The following PTPRF variants were observed in gnomAD, a reference collection of about 807,000 sequenced individuals.
PTPRF encodes protein tyrosine phosphatase receptor type F.
PTPRF carries 59 observed loss-of-function variants against 201.8 expected under a neutral mutation model. That is an observed-to-expected ratio of 0.29 (90% confidence interval 0.24 to 0.36). The LOEUF (loss-of-function observed/expected upper bound fraction) is 0.36. PTPRF is among the 10% of genes least tolerant of loss of function. The pLI is 1.00. For synonymous variants in PTPRF, 1,088 were observed against 1,089.7 expected (o/e 1.00, Z 0.03); for missense variants, 2,132 against 2,690.5 (o/e 0.79, Z 4.59).
At position 43,591,051 on chromosome 1, in the gene PTPRF, C is replaced by G; in HGVS notation, c.1029C>G (p.Asn343Lys). The change falls in exon 9 of 34, where the codon AAC becomes AAG. Residue 343 changes from asparagine (N) to lysine (K), a missense_variant. Coordinates refer to ENST00000359947, the MANE Select transcript of PTPRF (RefSeq NM_002840.5). ...TCACCCTCACCTGGGACTCTGGGAA[C>G]TCGGAGCCTGTAACCTACTATGGCA... ...TSVTLTWDSG[N>K]SEPVTYYGIQ... 6.2e-7 allele frequency: 1 copy of G among 1,614,066 alleles called. No homozygotes were observed. Among genetic ancestry groups the G allele is most frequent in the South Asian group, 1.1e-5 (1 of 91,090 alleles).
intron 7 of PTPRF, among the ~76,000 whole-genome samples, chr1:43,586,731 C>G (rs562645537): frequency 6.6e-6 from 1 of 152,314 alleles, no homozygotes; most frequent in South Asian, 2.1e-4. Flanking sequence ...TTTCTGAGCT[C>G]TCCTCTCCTC....
At chr1:43,532,303 A>G (rs1437517098) in intron 1 of PTPRF, among the ~76,000 whole-genome samples, 2 of 152,106 alleles carry the variant, frequency 1.3e-5, no homozygotes, top group African/African-American at 4.8e-5. Flanking sequence ...GAGTTGGAGC[A>G]GGTTGGGGGT....
chr1:43,583,219 G>T (rs1183331434), intron 7 of PTPRF: 19 of 677,772 alleles, frequency 2.8e-5, no homozygotes, highest in African/African-American at 3.9e-5. Context: ...GCCAGTCTCT[G>T]TTGTTTGGGC....
intron 1 of PTPRF, among the ~76,000 whole-genome samples, chr1:43,532,877 C>T (rs1291681874): frequency 6.6e-6 from 1 of 152,158 alleles, no homozygotes; most frequent in Non-Finnish European, 1.5e-5. Context: ...TCACCCCCTC[C>T]ACCCCCACAC....
intron 5 of PTPRF, among the ~76,000 whole-genome samples, chr1:43,555,431 GTATCAT>G: frequency 6.8e-6 from 1 of 146,094 alleles, no homozygotes; most frequent in African/African-American, 2.5e-5. Context: ...ATATTCTTCT[GTATCAT>G]TATTCTTTTT....
intron 5 of PTPRF, among the ~76,000 whole-genome samples, chr1:43,559,963 G>T (rs76727720): frequency 0.031 from 4,628 of 151,534 alleles, 243 homozygotes; most frequent in African/African-American, 0.11. Flanking sequence ...GTCAGGCAGT[G>T]TGTTTATGTG....
At chr1:43,556,013 C>T (rs1358146145) in intron 5 of PTPRF, among the ~76,000 whole-genome samples, 1 of 152,146 alleles carries the variant, frequency 6.6e-6, no homozygotes, top group Admixed American at 6.5e-5. Context: ...ATACTCCTGC[C>T]AAGCAGGGCA....
intron 5 of PTPRF, among the ~76,000 whole-genome samples, chr1:43,561,001 C>T (rs1292846654): frequency 6.6e-6 from 1 of 152,154 alleles, no homozygotes; most frequent in Non-Finnish European, 1.5e-5. Flanking sequence ...GGCTGTCCGG[C>T]ACATGAAGTA....
Position 43,619,290 on chromosome 1 carries a change from C to A in PTPRF, c.4649C>A (p.Ala1550Glu), listed in dbSNP as rs756268896. 1 of 1,613,058 alleles carries A rather than the reference C, an allele frequency of 6.2e-7. No homozygotes were observed. The highest frequency in any genetic ancestry group is 8.5e-7 in the Non-Finnish European group (1 of 1,179,832). ...CAAGCTGAGCCCGTGTCCTGCAGCG[C>A]GGGCGTGGGCCGCACCGGCTGCTTC... ...DAGPMVVHCS[A>E]GVGRTGCFIV... is the part of the protein sequence containing the mutation. The change falls in exon 28 of 34, where the codon GCG becomes GAG. Residue 1550 changes from alanine (A) to glutamate (E), a missense_variant and splice_region_variant. By Grantham distance (107) the Ala-to-Glu change is moderately radical. This residue lies in a region of PTPRF where 519 missense variants were observed against 659.5 expected (regional missense o/e 0.79). Coordinates refer to ENST00000359947, the MANE Select transcript of PTPRF (RefSeq NM_002840.5).
chr1:43,622,784 A>G lies in PTPRF; in HGVS notation c.*781A>G, dbSNP rs1167450468. 3.3e-5 allele frequency: 5 copies of G among 152,660 alleles called. No homozygotes were observed. 9.5% of individuals were successfully genotyped at this position (152,660 alleles called of 1,614,324 possible). A position where few individuals can be genotyped will look rare whatever the true frequency, so the allele number is the denominator to read the frequency against. ...TTTAACATTCACAGCCCAGAACCAC[A>G]GATGTGTCTGGGAGAGCCTGGCAAG... On this transcript the variant is annotated 3_prime_UTR_variant, in exon 34 of 34. Transcript: ENST00000359947.
chr1:43,537,972 G>A lies in PTPRF; in HGVS notation c.-125-226G>A, dbSNP rs1319947777. Among the ~76,000 whole-genome samples the A allele has an allele frequency of 6.6e-6, 1 of 152,160 alleles. No individual in the cohort carries two copies. Among genetic ancestry groups the A allele is most frequent in the African/African-American group, 2.4e-5 (1 of 41,430 alleles). ...CAGCTATATGGCTGGTGCCTGGAAGGACGCCCAGCACATAGTAGGTGCTTA... is the reference window on the plus strand; with the variant it reads ...CAGCTATATGGCTGGTGCCTGGAAGAACGCCCAGCACATAGTAGGTGCTTA... On this transcript the variant is annotated intron_variant, in intron 1 of 33. Transcript: ENST00000359947. The surrounding 1 kb of genome is among the most constrained non-coding windows in gnomAD (Gnocchi z 4.8).
intron 5 of PTPRF, among the ~76,000 whole-genome samples, chr1:43,558,701 G>T (rs1028974872): frequency 6.6e-6 from 1 of 152,188 alleles, no homozygotes; most frequent in Non-Finnish European, 1.5e-5. Flanking sequence ...CAACCCGCCC[G>T]CTGCCGCCAC....
At chr1:43,567,519 A>C (rs533981979) in intron 5 of PTPRF, among the ~76,000 whole-genome samples, 1 of 152,296 alleles carries the variant, frequency 6.6e-6, no homozygotes, top group African/African-American at 2.4e-5. Flanking sequence ...CGTGCTGGGA[A>C]TCCTATTGCT....
chr1:43,540,538 G>A (rs1396741495), intron 2 of PTPRF, among the ~76,000 whole-genome samples: 1 of 152,218 alleles, frequency 6.6e-6, no homozygotes, highest in Non-Finnish European at 1.5e-5. Flanking sequence ...TACAGCCGCA[G>A]GAAGATACCT....
At chr1:43,572,680 G>A (rs961217142) in intron 6 of PTPRF, among the ~76,000 whole-genome samples, 4 of 152,132 alleles carry the variant, frequency 2.6e-5, no homozygotes, top group East Asian at 1.9e-4. Flanking sequence ...GGACCTTTAC[G>A]GTTTACGCAT....
chr1:43,592,368 G>C (rs1249746642), intron 10 of PTPRF, 89 bp from the exon 11 acceptor site: 34 of 1,492,174 alleles, frequency 2.3e-5, no homozygotes, highest in Non-Finnish European at 2.7e-5. Context: ...GGTGGGTCCA[G>C]AGGTGTCACA....
rs954743570 is a variant in PTPRF at position 43,554,071 on chromosome 1, A to T, written c.379+130A>T. 1.6e-6 allele frequency: 2 copies of T among 1,279,728 alleles called. No individual in the cohort carries two copies. Among genetic ancestry groups the T allele is most frequent in the African/African-American group, 3.0e-5 (2 of 67,382 alleles). 79.3% of individuals were successfully genotyped at this position (1,279,728 alleles called of 1,614,324 possible). On this transcript the variant is annotated intron_variant, in intron 5 of 33. Coordinates refer to ENST00000359947, the MANE Select transcript of PTPRF (RefSeq NM_002840.5). The surrounding 1 kb of genome is among the most constrained non-coding windows in gnomAD (Gnocchi z 4.1). ...AGGACTGGCCACCTCGGGGTCAGTG[A>T]AAGTCAGTGGTGGACAGGGATAGTC...
chr1:43,555,704 A>G (rs563268174), intron 5 of PTPRF, among the ~76,000 whole-genome samples: 1 of 152,268 alleles, frequency 6.6e-6, no homozygotes, highest in South Asian at 2.1e-4. Flanking sequence ...TTGGCCTCCC[A>G]AAGTGCTGGG....
intron 2 of PTPRF, among the ~76,000 whole-genome samples, chr1:43,539,773 G>C (rs967412305): frequency 6.6e-6 from 1 of 152,188 alleles, no homozygotes; most frequent in African/African-American, 2.4e-5. Context: ...ACCTGAAGGT[G>C]GAGCCCTCTG....
Sources: allele counts gnomAD v4.1 joint callset (sites outside exome capture counted in the v4.1 genomes callset), GRCh38; gene constraint gnomAD v4.1.1; regional missense constraint gnomAD v4.1.1; non-coding constraint Gnocchi (gnomAD v3.1); transcripts MANE v1.5; gene names NCBI Gene and HGNC (gene_info 2026-07-23, HGNC 2026-07-21).